FOXP1: variants seen among roughly 807,000 people sequenced by gnomAD.
The protein encoded by FOXP1 is forkhead box P1.
In FOXP1, 15 loss-of-function variants were observed where a neutral mutation model predicts 98.2. That is an observed-to-expected ratio of 0.15 (90% confidence interval 0.10 to 0.24). The LOEUF (loss-of-function observed/expected upper bound fraction) is 0.24. FOXP1 is among the 10% of genes least tolerant of loss of function. The probability of loss-of-function intolerance (pLI) is 1.00; values close to 1 mark genes in which losing one functional copy is unlikely to be tolerated. For missense variants in FOXP1, 633 were observed against 848.5 expected (o/e 0.75, Z 3.15); for synonymous variants, 371 against 314.5 (o/e 1.18, Z -1.90).
At chr3:70,979,448 C>T (rs1268677580) in intron 14 of FOXP1, among the ~76,000 whole-genome samples, 3 of 151,970 alleles carry the variant, frequency 2.0e-5, no homozygotes, top group Non-Finnish European at 4.4e-5. Context: ...TATTATTTTA[C>T]GTCTGGCAAT....
chr3:71,265,404 C>G (rs2069542282), intron 5 of FOXP1, among the ~76,000 whole-genome samples: 1 of 152,158 alleles, frequency 6.6e-6, no homozygotes, highest in Non-Finnish European at 1.5e-5. Context: ...TTCCAGAAAT[C>G]CCTTGGTAGT....
intron 4 of FOXP1, among the ~76,000 whole-genome samples, chr3:71,354,837 G>A (rs1358577714): frequency 6.6e-6 from 1 of 152,126 alleles, no homozygotes; most frequent in Non-Finnish European, 1.5e-5. Context: ...TCAGTGGCTA[G>A]GTAATGCTAT....
chr3:71,402,853 G>A (rs183462844), intron 3 of FOXP1, among the ~76,000 whole-genome samples: 8 of 152,248 alleles, frequency 5.3e-5, no homozygotes, highest in Non-Finnish European at 1.0e-4. Flanking sequence ...TGCTAAGAGG[G>A]GTTCCTTCAG....
At chr3:71,569,298 T>C (rs557461981) in intron 2 of FOXP1, among the ~76,000 whole-genome samples, 6 of 152,324 alleles carry the variant, frequency 3.9e-5, no homozygotes, top group South Asian at 4.1e-4. Context: ...AATATGCACA[T>C]GTGTACACAA....
At chr3:71,338,427 TTTAA>T (rs1217091846) in intron 4 of FOXP1, among the ~76,000 whole-genome samples, 1 of 152,192 alleles carries the variant, frequency 6.6e-6, no homozygotes, top group Non-Finnish European at 1.5e-5. Flanking sequence ...AACCCGAGTC[TTTAA>T]TTATCCCAGG....
intron 5 of FOXP1, among the ~76,000 whole-genome samples, chr3:71,223,372 C>G (rs906135564): frequency 1.3e-5 from 2 of 152,122 alleles, no homozygotes; most frequent in Non-Finnish European, 2.9e-5. Context: ...TGCTTTCAAA[C>G]CCAGTTCAAA....
chr3:71,245,760 T>A (rs1194855299), intron 5 of FOXP1, among the ~76,000 whole-genome samples: 1 of 152,002 alleles, frequency 6.6e-6, no homozygotes, highest in Non-Finnish European at 1.5e-5. Context: ...GGATGGTTAC[T>A]TTTACATGAT....
At chr3:71,309,980 G>C (rs2074570299) in intron 4 of FOXP1, among the ~76,000 whole-genome samples, 1 of 152,118 alleles carries the variant, frequency 6.6e-6, no homozygotes, top group African/African-American at 2.4e-5. Flanking sequence ...ACTAAATGGT[G>C]GGTTGTTTCC....
chr3:71,437,864 C>T (rs1228071695), intron 3 of FOXP1, among the ~76,000 whole-genome samples: 1 of 152,150 alleles, frequency 6.6e-6, no homozygotes, highest in Non-Finnish European at 1.5e-5. Flanking sequence ...GCCCCACCCG[C>T]ACTTGCAGAC....
chr3:71,519,194 C>T (rs1397280926), intron 2 of FOXP1, among the ~76,000 whole-genome samples: 2 of 152,036 alleles, frequency 1.3e-5, no homozygotes, highest in East Asian at 1.9e-4. Context: ...TGCAGTGAGC[C>T]GAGATTGTGC....
chr3:70,983,746 C>T (rs551142646), intron 14 of FOXP1, among the ~76,000 whole-genome samples: 4 of 152,236 alleles, frequency 2.6e-5, no homozygotes, highest in Non-Finnish European at 4.4e-5. Flanking sequence ...TTATAAAATA[C>T]GATTTACAGT....
At chr3:71,095,404 A>C (rs2056359266) in intron 7 of FOXP1, among the ~76,000 whole-genome samples, 1 of 152,210 alleles carries the variant, frequency 6.6e-6, no homozygotes, top group African/African-American at 2.4e-5. Context: ...TAATGGCCCC[A>C]AAATTCCAGA....
At chr3:71,011,134 A>G (rs1184340596) in intron 12 of FOXP1, among the ~76,000 whole-genome samples, 2 of 152,170 alleles carry the variant, frequency 1.3e-5, no homozygotes, top group Non-Finnish European at 2.9e-5. Context: ...TGACCAGTCA[A>G]TGCGTAACTC....
intron 3 of FOXP1, among the ~76,000 whole-genome samples, chr3:71,370,201 C>A (rs889366697): frequency 2.0e-5 from 3 of 152,068 alleles, no homozygotes; most frequent in Admixed American, 2.0e-4. Context: ...CTTGGGAGTG[C>A]CAGGACTTCC....
intron 7 of FOXP1, among the ~76,000 whole-genome samples, chr3:71,105,777 C>T (rs988349068): frequency 2.0e-5 from 3 of 152,128 alleles, no homozygotes; most frequent in African/African-American, 7.2e-5. Flanking sequence ...CACAGAGACA[C>T]ACACGCACAG....
intron 12 of FOXP1, among the ~76,000 whole-genome samples, chr3:71,010,287 A>G (rs2043395773): frequency 6.6e-6 from 1 of 152,138 alleles, no homozygotes; most frequent in African/African-American, 2.4e-5. Flanking sequence ...AGCAGTTAAG[A>G]ATAAGTCTTC....
chr3:70,998,936 G>GA (rs1331567038), intron 13 of FOXP1, among the ~76,000 whole-genome samples: 1 of 152,154 alleles, frequency 6.6e-6, no homozygotes, highest in African/African-American at 2.4e-5. Flanking sequence ...CTGTAGTCTA[G>GA]AAACGGCTAC....
chr3:71,221,972 G>T (rs2065426711), intron 5 of FOXP1, among the ~76,000 whole-genome samples: 1 of 152,124 alleles, frequency 6.6e-6, no homozygotes, highest in African/African-American at 2.4e-5. Context: ...GGCCAACACG[G>T]TAAAACCCTG....
intron 3 of FOXP1, among the ~76,000 whole-genome samples, chr3:71,480,230 A>T (rs1038750489): frequency 6.6e-6 from 1 of 152,100 alleles, no homozygotes; most frequent in African/African-American, 2.4e-5. Context: ...CCCAAAACTA[A>T]ACAGGAACAG....
Sources: gnomAD v4.1 joint callset for allele counts (sites outside exome capture counted in the v4.1 genomes callset) on GRCh38, gnomAD v4.1.1 for gene constraint, MANE v1.5 for transcripts, NCBI Gene and HGNC (gene_info 2026-07-23, HGNC 2026-07-21) for gene names.